Variants in ANKMY1 observed in about 807,000 individuals in gnomAD.
ANKMY1 encodes the protein ankyrin repeat and MYND domain-containing protein 1.
In ANKMY1, 98 loss-of-function variants were observed where a neutral mutation model predicts 102.0. The observed-to-expected ratio is 0.96, with a 90% CI of 0.82 to 1.14. ANKMY1 has a LOEUF of 1.14. ANKMY1 is among the 50% of genes most tolerant of loss of function. The pLI is 0.00. For synonymous variants in ANKMY1, 582 were observed against 559.9 expected (o/e 1.04, Z -0.56); for missense variants, 1,330 against 1,347.6 (o/e 0.99, Z 0.20).
chr2:240,471,099 G>C, the ANKMY1 span, among the ~76,000 whole-genome samples: 1 of 125,904 alleles, frequency 7.9e-6, no homozygotes, highest in Non-Finnish European at 1.7e-5. Flanking sequence ...TTGCTGCCTA[G>C]GGATCTGGGC....
chr2:240,469,620 C>T, the ANKMY1 span, among the ~76,000 whole-genome samples: 5 of 144,872 alleles, frequency 3.5e-5, no homozygotes, highest in Admixed American at 2.1e-4. Flanking sequence ...CTGCTCCACA[C>T]GAACATACAC....
At chr2:240,519,216 G>A (rs2081701111) in intron 9 of ANKMY1, among the ~76,000 whole-genome samples, 1 of 152,248 alleles carries the variant, frequency 6.6e-6, no homozygotes, top group African/African-American at 2.4e-5. Flanking sequence ...CAGCCACTGT[G>A]GACAGCAGTG....
At chr2:240,505,796 G>A (rs1358568201) in intron 13 of ANKMY1, among the ~76,000 whole-genome samples, 3 of 152,196 alleles carry the variant, frequency 2.0e-5, no homozygotes, top group Admixed American at 6.5e-5. Flanking sequence ...CAGGTCTGGG[G>A]TGAGAATATA....
At chr2:240,561,039 A>T (rs201793117), upstream of ANKMY1, 17 of 1,525,502 alleles carry the variant, frequency 1.1e-5, no homozygotes, top group African/African-American at 1.5e-4. Flanking sequence ...CGCGTACCTC[A>T]TGCGGCACCG....
At chr2:240,482,099 T>C in intron 16 of ANKMY1, 84 bp downstream of exon 16, 2 of 1,440,188 alleles carry the variant, frequency 1.4e-6, no homozygotes, top group Non-Finnish European at 9.6e-7. Flanking sequence ...TGTCCCGGGA[T>C]GAGGTGGTCA....
At chr2:240,559,633 T>TG (rs1193645362), upstream of ANKMY1, among the ~76,000 whole-genome samples, 3 of 152,168 alleles carry the variant, frequency 2.0e-5, no homozygotes, top group African/African-American at 4.8e-5. Context: ...CTAGGAAAGT[T>TG]GGAGTCCTTC....
the ANKMY1 span, among the ~76,000 whole-genome samples, chr2:240,472,702 A>G: frequency 0.097 from 6,658 of 68,368 alleles, 220 homozygotes; most frequent in Middle Eastern, 0.25. Flanking sequence ...CTAATCCTGG[A>G]GGCAACCCTT....
intron 4 of ANKMY1, among the ~76,000 whole-genome samples, chr2:240,535,646 T>C (rs780960605): frequency 1.4e-4 from 22 of 152,208 alleles, no homozygotes; most frequent in East Asian, 7.7e-4. Context: ...CAGAGTCAGA[T>C]TGAAAGTAAG....
intron 9 of ANKMY1, among the ~76,000 whole-genome samples, chr2:240,513,307 G>A (rs1333768658): frequency 6.6e-6 from 1 of 152,192 alleles, no homozygotes; most frequent in African/African-American, 2.4e-5. Context: ...GCTCCTGAGT[G>A]GCCTCCTGAC....
At chr2:240,504,203 C>A (rs1374888638) in intron 13 of ANKMY1, among the ~76,000 whole-genome samples, 4 of 152,222 alleles carry the variant, frequency 2.6e-5, no homozygotes, top group Admixed American at 2.6e-4. Context: ...CAGCCCAGGC[C>A]TCTAGCAGAA....
chr2:240,523,655 G>A (rs147367981), intron 8 of ANKMY1: 81 of 669,418 alleles, frequency 1.2e-4, no homozygotes, highest in Admixed American at 3.6e-4. Flanking sequence ...GCCCGTCACC[G>A]TGGCACCCCC....
intron 9 of ANKMY1, among the ~76,000 whole-genome samples, chr2:240,514,986 G>T (rs78352525): frequency 1.0e-3 from 153 of 152,362 alleles, no homozygotes; most frequent in Non-Finnish European, 1.7e-3. Context: ...AGACCTGGGA[G>T]AAGGTGTCAA....
At chr2:240,513,367 GCT>G (rs1294943692) in intron 9 of ANKMY1, among the ~76,000 whole-genome samples, 2 of 152,218 alleles carry the variant, frequency 1.3e-5, no homozygotes, top group Non-Finnish European at 2.9e-5. Context: ...CCAGCCATCA[GCT>G]GACAGCATCC....
At chr2:240,544,801 G>A (rs1325191677) in intron 4 of ANKMY1, among the ~76,000 whole-genome samples, 17 of 152,080 alleles carry the variant, frequency 1.1e-4, no homozygotes, top group East Asian at 5.8e-4. Context: ...CTTTTCTGAC[G>A]GGCTTAAAAA....
upstream of ANKMY1, among the ~76,000 whole-genome samples, chr2:240,558,826 T>A (rs1346808845): frequency 1.3e-5 from 2 of 152,152 alleles, no homozygotes; most frequent in Non-Finnish European, 2.9e-5. Context: ...TCTGTTGAGT[T>A]CACTTCTCTC....
In ANKMY1 at chr2:240,499,220, T is replaced by G. The variant is rs1189061122; in HGVS notation, c.2806+738A>C. 1.3e-5 allele frequency among the ~76,000 whole-genome samples: 2 copies of G among 151,766 alleles called. No individual in the cohort carries two copies. The highest frequency in any genetic ancestry group is 1.3e-4 in the Admixed American group (2 of 15,246). ...GTGTGTGCACACACGTGTTAACACG[T>G]GACAGGTTTTTATGTGAGGAGAGGA... is the stretch of plus-strand genomic sequence containing the variant. On this transcript the variant is annotated intron_variant, in intron 15 of 17. Coordinates refer to ENST00000401804, the MANE Select transcript of ANKMY1 (RefSeq NM_001282771.3). The surrounding 1 kb of genome is among the most constrained non-coding windows in gnomAD (Gnocchi z 4.2).
intron 4 of ANKMY1, among the ~76,000 whole-genome samples, chr2:240,541,260 G>A (rs1002247033): frequency 6.6e-6 from 1 of 152,174 alleles, no homozygotes; most frequent in Non-Finnish European, 1.5e-5. Flanking sequence ...GGGTGACCAA[G>A]CCCAATCCAT....
At position 240,520,608 on chromosome 2, in the gene ANKMY1, C is replaced by G. The variant is rs533097435; in HGVS notation, c.1833-75G>C. The G allele has an allele frequency of 6.6e-7, 1 of 1,509,330 alleles. No homozygotes were observed. The highest frequency in any genetic ancestry group is 2.2e-5 in the Admixed American group (1 of 44,754). 93.5% of individuals were successfully genotyped at this position (1,509,330 alleles called of 1,614,324 possible). A position where few individuals can be genotyped will look rare whatever the true frequency, so the allele number is the denominator to read the frequency against. On this transcript the variant is annotated intron_variant, in intron 8 of 17. Coordinates refer to ENST00000401804, the MANE Select transcript of ANKMY1 (RefSeq NM_001282771.3). The surrounding 1 kb of genome is among the most constrained non-coding windows in gnomAD (Gnocchi z 4.8). ...TGCGCCCAGAACGGGGCCATGCCAGCGAGGAGGCTGGGGAGGGGCGCGTAG... is the reference window on the plus strand; with the variant it reads ...TGCGCCCAGAACGGGGCCATGCCAGGGAGGAGGCTGGGGAGGGGCGCGTAG...
At chr2:240,531,111 T>C (rs764101746) in intron 4 of ANKMY1, among the ~76,000 whole-genome samples, 2 of 152,314 alleles carry the variant, frequency 1.3e-5, no homozygotes, top group African/African-American at 2.4e-5. Context: ...ATAGAAGATA[T>C]GTAGATAACA....
Sources: allele counts gnomAD v4.1 joint callset (sites outside exome capture counted in the v4.1 genomes callset), GRCh38; gene constraint gnomAD v4.1.1; non-coding constraint Gnocchi (gnomAD v3.1); transcripts MANE v1.5; gene names NCBI Gene and HGNC (gene_info 2026-07-23, HGNC 2026-07-21).